ZNF333: variants seen among roughly 807,000 people sequenced by gnomAD.
ZNF333 encodes the protein zinc finger protein 333.
Under a neutral mutation model 76.1 loss-of-function variants are expected in ZNF333, and 61 were observed. The ratio of observed to expected loss-of-function variants is 0.80; its 90% confidence interval spans 0.65 to 0.99. ZNF333 has a LOEUF of 0.99. ZNF333 is among the 50% of genes least tolerant of loss of function. The pLI, the probability that ZNF333 is intolerant of heterozygous loss-of-function variation, is 0.00. For missense variants in ZNF333, 717 were observed against 822.4 expected (o/e 0.87, Z 1.57); for synonymous variants, 284 against 305.0 (o/e 0.93, Z 0.72).
chr19:14,719,353 T>C lies in ZNF333; in HGVS notation c.*28T>C. On this transcript the variant is annotated 3_prime_UTR_variant, in exon 12 of 12. Coordinates refer to ENST00000292530, the MANE Select transcript of ZNF333 (RefSeq NM_032433.4). ...TCCATTTTGTAAAAATATAAACACA[T>C]GGGGCTATGACTTTCCCTCGTAATA... The C allele has an allele frequency of 3.2e-6, 5 of 1,570,240 alleles. No homozygotes were observed. The South Asian group carries it at 3.6e-5, about 11-fold the overall frequency.
At chr19:14,715,817 G>C (rs968104545) in intron 8 of ZNF333, among the ~76,000 whole-genome samples, 1 of 152,174 alleles carries the variant, frequency 6.6e-6, no homozygotes, top group South Asian at 2.1e-4. Context: ...GCTAGAAGGG[G>C]GACAAATCTG....
intron 5 of ZNF333, among the ~76,000 whole-genome samples, chr19:14,703,896 A>G (rs2042035917): frequency 6.6e-6 from 1 of 152,188 alleles, no homozygotes; most frequent in Non-Finnish European, 1.5e-5. Context: ...CCTGTGGACA[A>G]GGACAGCATT....
At chr19:14,708,385 A>G in intron 7 of ZNF333, 1 of 401,314 alleles carries the variant, frequency 2.5e-6, no homozygotes, top group Non-Finnish European at 4.4e-6. Context: ...ACAGTCACAA[A>G]GAAAACACCG....
chr19:14,719,914 G>A lies in ZNF333; in HGVS notation c.*589G>A, dbSNP rs979156453. The A allele has an allele frequency of 2.0e-6, 2 of 985,592 alleles. No homozygotes were observed. Among genetic ancestry groups the A allele is most frequent in the Non-Finnish European group, 1.2e-6 (1 of 830,120 alleles). The allele number at this position is 985,592 out of a possible 1,614,324, so 61.1% of individuals were successfully genotyped here. ...AAGCTTCCATCTCCCGGCTGGGCAC[G>A]GTGGCTCATGCCTCTAATCCCAGCA... On this transcript the variant is annotated 3_prime_UTR_variant, in exon 12 of 12. Transcript: ENST00000292530.
intron 11 of ZNF333, among the ~76,000 whole-genome samples, chr19:14,730,150 T>A (rs1223155822): frequency 6.6e-6 from 1 of 152,192 alleles, no homozygotes; most frequent in Non-Finnish European, 1.5e-5. Context: ...CCTCCCAGGT[T>A]CAAGTGATTC....
At chr19:14,730,835 T>C (rs1260712322) in intron 11 of ZNF333, among the ~76,000 whole-genome samples, 1 of 151,732 alleles carries the variant, frequency 6.6e-6, no homozygotes, top group East Asian at 1.9e-4. Context: ...GTAGTCCCCA[T>C]TGTCTAATGC....
intron 7 of ZNF333, 131 bp downstream of exon 7, chr19:14,706,904 A>C: frequency 1.5e-6 from 1 of 670,002 alleles, no homozygotes; most frequent in East Asian, 2.9e-5. Context: ...TAGAGAGGAT[A>C]CAGAAGGCCT....
intron 11 of ZNF333, among the ~76,000 whole-genome samples, chr19:14,727,202 G>A (rs916195599): frequency 7.9e-5 from 12 of 151,772 alleles, no homozygotes; most frequent in Non-Finnish European, 1.6e-4. Flanking sequence ...TAATTTTTTT[G>A]TATTTTTAGT....
chr19:14,731,281 A>C, exon 12 of ZNF333: 2 of 1,233,458 alleles, frequency 1.6e-6, no homozygotes, highest in Non-Finnish European at 2.3e-6. Flanking sequence ...GGGCTTGAAG[A>C]CTCCAAATCT....
chr19:14,692,341 G>T (rs1246395895), intron 1 of ZNF333, among the ~76,000 whole-genome samples: 2 of 152,160 alleles, frequency 1.3e-5, no homozygotes, highest in African/African-American at 2.4e-5. Context: ...GAGGAAACTT[G>T]AGAGAACATT....
At chr19:14,696,376 A>G (rs1325137788) in intron 4 of ZNF333, among the ~76,000 whole-genome samples, 1 of 152,028 alleles carries the variant, frequency 6.6e-6, no homozygotes, top group Non-Finnish European at 1.5e-5. Context: ...GGCAGCCACT[A>G]ATCTGCTTTC....
rs778600527 is a variant in ZNF333 at position 14,718,462 on chromosome 19, T to C, written c.1135T>C (p.Ser379Pro). The C allele has an allele frequency of 1.2e-6, 2 of 1,614,200 alleles. No homozygotes were observed. Among genetic ancestry groups the C allele is most frequent in the Non-Finnish European group, 1.7e-6 (2 of 1,180,036 alleles). ...NKCEKSFRYS[S>P]DLIRHEKTHT... ...ATGTGAAAAATCCTTCAGATACAGC[T>C]CTGACCTTATCAGGCATGAGAAGAC... Residue 379 changes from serine (S) to proline (P), a missense_variant, in exon 12 of 12, where the codon TCT becomes CCT. Coordinates refer to ENST00000292530, the MANE Select transcript of ZNF333 (RefSeq NM_032433.4).
chr19:14,715,456 A>G lies in ZNF333; in HGVS notation c.586A>G (p.Thr196Ala), dbSNP rs755112686. The G allele has an allele frequency of 2.5e-6, 4 of 1,613,848 alleles. No homozygotes were observed. The African/African-American group carries it at 5.3e-5, about 22-fold the overall frequency. Residue 196 changes from threonine to alanine, a missense_variant, in exon 8 of 12, where the codon ACC (threonine) becomes GCC (alanine). By Grantham distance (58) the Thr-to-Ala change is moderately conservative. Coordinates refer to ENST00000292530, the MANE Select transcript of ZNF333 (RefSeq NM_032433.4). ...EEEAMAPGLP[T>A]ACSQEPVTFA... ...AGAAGCTATGGCTCCTGGGCTGCCA[A>G]CCGCCTGTTCACAGGTAGGTAAGAA...
chr19:14,717,048 A>G lies in ZNF333; in HGVS notation c.782A>G (p.Gln261Arg). 1 of 1,611,808 alleles carries G rather than the reference A, an allele frequency of 6.2e-7. No homozygotes were observed. Residue 261 changes from glutamine (Q) to arginine (R), a missense_variant, in exon 10 of 12, where the codon CAG (glutamine) becomes CGG (arginine). Coordinates refer to ENST00000292530, the MANE Select transcript of ZNF333 (RefSeq NM_032433.4). ...TCTTATTTGGAAGAAAGAGGAGAGC[A>G]GTGGACCACTGACAGGGGCGTCCTC... ...ALSYLEERGE[Q>R]WTTDRGVLSD...
Position 14,699,192 on chromosome 19 carries a change from A to G in ZNF333, c.224-7A>G. The stretch of plus-strand genomic sequence containing the variant: ...AAGGAGTTCATTTTTTCTCCCATTC[A>G]TTTCAGCCTGGGAATCTCAACTTAA... On this transcript the variant is annotated splice_polypyrimidine_tract_variant and splice_region_variant and intron_variant, in intron 4 of 11. Coordinates refer to ENST00000292530, the MANE Select transcript of ZNF333 (RefSeq NM_032433.4). 1 of 1,611,726 alleles carries G rather than the reference A, an allele frequency of 6.2e-7. No individual in the cohort carries two copies. The highest frequency in any genetic ancestry group is 1.1e-5 in the South Asian group (1 of 90,988).
In ZNF333 at chr19:14,726,974, C is replaced by T. The variant is rs117901290; in HGVS notation, c.901-4201C>T. On this transcript the variant is annotated intron_variant, in intron 11 of 11. Transcript: ENST00000540689. ...AATTTTCTGTATTAGCCTGTTCTTG[C>T]GTTGCTATAAAGGAATACCTGAGGC... Among the ~76,000 whole-genome samples the T allele has an allele frequency of 6.2e-3, 915 of 148,146 alleles. 2 individuals are homozygous for T. The highest frequency in any genetic ancestry group is 0.011 in the Non-Finnish European group (755 of 67,496).
At chr19:14,699,522 A>T (rs1427303448) in intron 5 of ZNF333, 2 of 379,270 alleles carry the variant, frequency 5.3e-6, no homozygotes, top group Non-Finnish European at 9.8e-6. Context: ...GTGCAGTGGC[A>T]TGATCTCGGC....
intron 1 of ZNF333, among the ~76,000 whole-genome samples, chr19:14,692,073 T>G (rs1054457349): frequency 1.1e-4 from 17 of 152,222 alleles, no homozygotes; most frequent in Admixed American, 9.8e-4. Flanking sequence ...ATATTTTCAC[T>G]GGGGTGCCCT....
downstream of ZNF333, among the ~76,000 whole-genome samples, chr19:14,723,427 T>G (rs983376294): frequency 6.6e-6 from 1 of 152,246 alleles, no homozygotes; most frequent in African/African-American, 2.4e-5. Context: ...AGATTTCATA[T>G]GAGTTTTAGG....
Sources: gnomAD v4.1 joint callset for allele counts (sites outside exome capture counted in the v4.1 genomes callset) on GRCh38, gnomAD v4.1.1 for gene constraint, MANE v1.5 for transcripts, NCBI Gene and HGNC (gene_info 2026-07-23, HGNC 2026-07-21) for gene names.